The following KCND2 variants were observed in gnomAD, a reference collection of about 807,000 sequenced individuals.
KCND2 encodes potassium voltage-gated channel subfamily D member 2, also known as A-type voltage-gated potassium channel KCND2.
A neutral mutation model predicts 54.4 loss-of-function variants in KCND2; 16 were observed. The ratio of observed to expected loss-of-function variants is 0.29; its 90% confidence interval spans 0.20 to 0.45. The LOEUF (loss-of-function observed/expected upper bound fraction) is 0.45, where lower values mean the gene tolerates loss of function less well. KCND2 is among the 20% of genes least tolerant of loss of function. The pLI, the probability that KCND2 is intolerant of heterozygous loss-of-function variation, is 1.00. For missense variants in KCND2, 486 were observed against 824.2 expected, an observed-to-expected ratio of 0.59 and a Z score of 5.02; for synonymous variants, 317 against 310.7, an observed-to-expected ratio of 1.02 and a Z score of -0.21.
At chr7:120,329,617 T>G (rs1800033646) in intron 1 of KCND2, among the ~76,000 whole-genome samples, 1 of 152,298 alleles carries the variant, frequency 6.6e-6, no homozygotes, top group South Asian at 2.1e-4. Context: ...CTTTTTCTGG[T>G]CATTTTGTCT....
chr7:120,452,475 G>T (rs1001194965), intron 1 of KCND2, among the ~76,000 whole-genome samples: 2 of 152,134 alleles, frequency 1.3e-5, no homozygotes, highest in African/African-American at 2.4e-5. Context: ...GGAAGGCACT[G>T]GGAGTGGACA....
chr7:120,323,043 A>G (rs909206285), intron 1 of KCND2, among the ~76,000 whole-genome samples: 13 of 152,142 alleles, frequency 8.5e-5, no homozygotes, highest in Admixed American at 6.6e-4. Context: ...GGTTTGTTAC[A>G]TAGGTATACA....
chr7:120,431,482 A>G (rs1415697590), intron 1 of KCND2, among the ~76,000 whole-genome samples: 1 of 152,178 alleles, frequency 6.6e-6, no homozygotes, highest in African/African-American at 2.4e-5. Flanking sequence ...CAGGGAGTTT[A>G]GTGAAGGTGG....
intron 1 of KCND2, among the ~76,000 whole-genome samples, chr7:120,615,328 T>A (rs773505830): frequency 6.6e-6 from 1 of 152,238 alleles, no homozygotes; most frequent in Non-Finnish European, 1.5e-5. Flanking sequence ...GAATTTGAAC[T>A]GACAAATACT....
At chr7:120,649,900 T>G (rs887466043) in intron 1 of KCND2, among the ~76,000 whole-genome samples, 20 of 152,230 alleles carry the variant, frequency 1.3e-4, no homozygotes, top group Admixed American at 1.2e-3. Context: ...GATGTGAAAT[T>G]CTGGGTTGAA....
At chr7:120,542,071 T>A (rs537311271) in intron 1 of KCND2, among the ~76,000 whole-genome samples, 1 of 152,266 alleles carries the variant, frequency 6.6e-6, no homozygotes, top group South Asian at 2.1e-4. Context: ...AGTATTTGCT[T>A]AACACAAGTG....
At chr7:120,612,436 T>C (rs1562887853) in intron 1 of KCND2, among the ~76,000 whole-genome samples, 3 of 152,220 alleles carry the variant, frequency 2.0e-5, no homozygotes, top group Non-Finnish European at 4.4e-5. Context: ...ATAAGTTGTT[T>C]TGCTTAGGTA....
chr7:120,426,536 CT>C (rs1363129065), intron 1 of KCND2, among the ~76,000 whole-genome samples: 7 of 151,320 alleles, frequency 4.6e-5, no homozygotes, highest in African/African-American at 1.7e-4. Context: ...GCACTACTCC[CT>C]TTGGAGACTG....
intron 1 of KCND2, among the ~76,000 whole-genome samples, chr7:120,419,819 A>C (rs1311413711): frequency 3.9e-5 from 6 of 152,160 alleles, no homozygotes; most frequent in Non-Finnish European, 8.8e-5. Context: ...GAATCTAAAA[A>C]TTCCACTAAC....
At chr7:120,459,753 C>T (rs1188674669) in intron 1 of KCND2, among the ~76,000 whole-genome samples, 3 of 152,150 alleles carry the variant, frequency 2.0e-5, no homozygotes, top group Non-Finnish European at 4.4e-5. Context: ...TTCGGCTTTA[C>T]TTTTTCTTTT....
chr7:120,478,411 T>C (rs1802559934), intron 1 of KCND2, among the ~76,000 whole-genome samples: 1 of 143,896 alleles, frequency 6.9e-6, no homozygotes, highest in Admixed American at 7.0e-5. Context: ...CAGTAAGTTC[T>C]GATAATTTTT....
At chr7:120,355,648 T>C (rs927247021) in intron 1 of KCND2, among the ~76,000 whole-genome samples, 1 of 152,184 alleles carries the variant, frequency 6.6e-6, no homozygotes, top group African/African-American at 2.4e-5. Context: ...TTTTACTACA[T>C]ACTACTAGCC....
intron 1 of KCND2, among the ~76,000 whole-genome samples, chr7:120,288,909 A>G (rs908431663): frequency 1.3e-5 from 2 of 152,070 alleles, no homozygotes; most frequent in Non-Finnish European, 2.9e-5. Context: ...GGTTAGTTAG[A>G]TGATGCGGGT....
At chr7:120,671,239 T>G (rs1791989909) in intron 1 of KCND2, among the ~76,000 whole-genome samples, 1 of 152,076 alleles carries the variant, frequency 6.6e-6, no homozygotes, top group African/African-American at 2.4e-5. Context: ...TTTCCACTAG[T>G]TAGATTTTCA....
chr7:120,599,570 C>T (rs965835601), intron 1 of KCND2, among the ~76,000 whole-genome samples: 2 of 151,900 alleles, frequency 1.3e-5, no homozygotes, highest in Non-Finnish European at 2.9e-5. Flanking sequence ...TAAATTTATG[C>T]ATTTTGTAAT....
intron 1 of KCND2, among the ~76,000 whole-genome samples, chr7:120,668,436 G>A (rs1791953667): frequency 6.6e-6 from 1 of 151,824 alleles, no homozygotes; most frequent in African/African-American, 2.4e-5. Context: ...ATAACAACAG[G>A]CCTTTAAAAT....
chr7:120,441,071 G>GA lies in KCND2; in HGVS notation c.1115+165334dup, dbSNP rs113266031. 2.7e-3 allele frequency among the ~76,000 whole-genome samples: 398 copies of GA among 147,754 alleles called. 3 individuals carry two copies. Among genetic ancestry groups the GA allele is most frequent in the South Asian group, 0.012 (56 of 4,664 alleles). On this transcript the variant is annotated intron_variant, in intron 1 of 5. Transcript: ENST00000331113. ...TACCATCACAACTGATAATTTCATG[G>GA]AAAAAAAAAATAAACCATTTCCTTA...
At chr7:120,673,908 TA>T (rs368635925) in intron 1 of KCND2, among the ~76,000 whole-genome samples, 19,094 of 148,166 alleles carry the variant, frequency 0.13, 1,479 homozygotes, top group African/African-American at 0.16. Context: ...CTCTTTTATT[TA>T]TTTTTTTTTT....
At chr7:120,296,739 G>A (rs1169577621) in intron 1 of KCND2, among the ~76,000 whole-genome samples, 1 of 151,962 alleles carries the variant, frequency 6.6e-6, no homozygotes, top group Middle Eastern at 3.2e-3. Flanking sequence ...TAAGCATCAG[G>A]CATTTGAAAT....
Sources: allele counts gnomAD v4.1 joint callset (sites outside exome capture counted in the v4.1 genomes callset), GRCh38; gene constraint gnomAD v4.1.1; transcripts MANE v1.5; gene names NCBI Gene and HGNC (gene_info 2026-07-23, HGNC 2026-07-21).